NEBL: variants seen among roughly 807,000 people sequenced by gnomAD.
The protein encoded by NEBL is LIM and SH3 protein 2.
A neutral mutation model predicts 140.2 loss-of-function variants in NEBL; 122 were observed. The ratio of observed to expected loss-of-function variants is 0.87; its 90% CI spans 0.75 to 1.01. The LOEUF is 1.01. Ranked by LOEUF, NEBL falls within the 50% of genes least tolerant of loss-of-function variation. NEBL has a pLI of 0.00. For missense variants in NEBL, 1,365 were observed against 1,231.3 expected (o/e 1.11, Z -1.62); for synonymous variants, 436 against 398.9 (o/e 1.09, Z -1.11).
chr10:21,147,247 C>G (rs907109307), intron 2 of NEBL, among the ~76,000 whole-genome samples: 1 of 152,146 alleles, frequency 6.6e-6, no homozygotes, highest in African/African-American at 2.4e-5. Flanking sequence ...TGCCTCTCAA[C>G]AAGGTCTCAT....
intron 26 of NEBL, among the ~76,000 whole-genome samples, chr10:20,796,742 A>C (rs991962617): frequency 6.6e-6 from 1 of 152,110 alleles, no homozygotes; most frequent in Non-Finnish European, 1.5e-5. Context: ...TTCTCATTTT[A>C]TCTCTCTTAG....
At chr10:20,938,452 C>T (rs527560161) in intron 4 of NEBL, among the ~76,000 whole-genome samples, 1 of 152,314 alleles carries the variant, frequency 6.6e-6, no homozygotes, top group Admixed American at 6.5e-5. Context: ...TCACCATCAT[C>T]AAAGACCAAA....
intron 3 of NEBL, among the ~76,000 whole-genome samples, chr10:21,205,819 A>T (rs1386985795): frequency 6.6e-6 from 1 of 152,176 alleles, no homozygotes; most frequent in Admixed American, 6.5e-5. Context: ...ATTCACAGGG[A>T]TAGGTAGGAA....
In NEBL at chr10:20,866,105, AAGT is replaced by A. The variant is rs374278505; in HGVS notation, c.684+2556_684+2558del. 1.4e-4 allele frequency among the ~76,000 whole-genome samples: 22 copies of A among 152,232 alleles called. No homozygotes were observed. The East Asian group carries it at 2.1e-3, about 15-fold the overall frequency. ...GAGAGACTACAGTTAACATGGCAAA[AAGT>A]AGTTCTGATGTTTACTTTTTGGAAT... On this transcript the variant is annotated intron_variant, in intron 7 of 27. Coordinates refer to ENST00000377122, the MANE Select transcript of NEBL (RefSeq NM_006393.3).
chr10:20,864,394 AACT>A (rs1459065923), intron 7 of NEBL, among the ~76,000 whole-genome samples: 4 of 152,196 alleles, frequency 2.6e-5, no homozygotes, highest in African/African-American at 4.8e-5. Context: ...GAAAGTTTAC[AACT>A]ACGGGAGCAA....
chr10:21,130,894 A>G (rs1463900971), intron 2 of NEBL, among the ~76,000 whole-genome samples: 2 of 152,068 alleles, frequency 1.3e-5, no homozygotes, highest in Non-Finnish European at 2.9e-5. Context: ...AAATTAGAGC[A>G]GAAAACAATA....
At chr10:21,127,052 A>G (rs983217089) in intron 2 of NEBL, among the ~76,000 whole-genome samples, 4 of 151,528 alleles carry the variant, frequency 2.6e-5, no homozygotes, top group African/African-American at 9.7e-5. Context: ...ACTGCAACTG[A>G]TTCAATACAC....
At chr10:20,806,463 C>T (rs938721215) in intron 26 of NEBL, among the ~76,000 whole-genome samples, 1 of 152,196 alleles carries the variant, frequency 6.6e-6, no homozygotes, top group Admixed American at 6.5e-5. Flanking sequence ...CCCAAAGCCC[C>T]ACAGCCTCGT....
chr10:20,888,214 G>T lies in NEBL; in HGVS notation c.259-7C>A. On this transcript the variant is annotated splice_polypyrimidine_tract_variant and splice_region_variant and intron_variant, in intron 3 of 27. Coordinates refer to ENST00000377122, the MANE Select transcript of NEBL (RefSeq NM_006393.3). ...TGGTGCCTTTGTATTTTGCCTGGGG[G>T]AAAAAAAAACAGGAAAAAAATAAAT... is the stretch of plus-strand genomic sequence containing the variant. The T allele has an allele frequency of 1.4e-6, 2 of 1,404,538 alleles. No individual in the cohort carries two copies. Among genetic ancestry groups the T allele is most frequent in the Non-Finnish European group, 2.0e-6 (2 of 1,022,432 alleles). The allele number at this position is 1,404,538 out of a possible 1,614,324, so 87.0% of individuals were successfully genotyped here.
chr10:21,269,980 C>T (rs1842843075), intron 1 of NEBL, among the ~76,000 whole-genome samples: 4 of 152,182 alleles, frequency 2.6e-5, no homozygotes, highest in Admixed American at 6.5e-5. Flanking sequence ...TTTTCAAATT[C>T]TCTATTGCTT....
At chr10:20,818,098 A>C (rs537004821) in intron 20 of NEBL, among the ~76,000 whole-genome samples, 1 of 152,278 alleles carries the variant, frequency 6.6e-6, no homozygotes, top group African/African-American at 2.4e-5. Context: ...CTTCAATAGA[A>C]GCTAAAGCTC....
intron 2 of NEBL, among the ~76,000 whole-genome samples, chr10:21,092,586 TTAATAATAATAATAATAATAA>T (rs4025883): frequency 2.1e-5 from 3 of 142,110 alleles, no homozygotes; most frequent in Admixed American, 1.4e-4. Context: ...CCTCTATAAT[TTAATAATAATAATAATAATAA>T]TAATAATAAT....
Position 21,063,258 on chromosome 10 carries a change from C to T in NEBL, c.165-43057G>A, listed in dbSNP as rs375079046. 1.4e-4 allele frequency among the ~76,000 whole-genome samples: 22 copies of T among 152,284 alleles called. No homozygotes were observed. In the South Asian group the frequency reaches 3.1e-3, roughly 22 times the overall value. ...TGCTTCTGACCTCCCTAGAGGCCCA[C>T]GTGCTCACTTGTCATATTCATGGCA... On this transcript the variant is annotated intron_variant, in intron 2 of 6. Coordinates refer to the NEBL transcript ENST00000417816.
At chr10:21,093,310 C>T (rs74121019) in intron 2 of NEBL, among the ~76,000 whole-genome samples, 2,904 of 151,950 alleles carry the variant, frequency 0.019, 102 homozygotes, top group African/African-American at 0.066. Flanking sequence ...GCATTGGACG[C>T]ATTTTATCAT....
At chr10:21,011,743 C>T (rs1316269772) in intron 3 of NEBL, among the ~76,000 whole-genome samples, 2 of 152,156 alleles carry the variant, frequency 1.3e-5, no homozygotes, top group Non-Finnish European at 2.9e-5. Context: ...AACAGCCTAG[C>T]GGTACCCCCT....
In NEBL at chr10:20,781,131, T is replaced by C. The variant is rs1835012933; in HGVS notation, c.*4616A>G. 1 of 152,558 alleles carries C rather than the reference T, an allele frequency of 6.6e-6. No homozygotes were observed. Among genetic ancestry groups the C allele is most frequent in the African/African-American group, 2.4e-5 (1 of 41,432 alleles). The allele number at this position is 152,558 out of a possible 1,614,324, so 9.5% of individuals were successfully genotyped here. A position where few individuals can be genotyped will look rare whatever the true frequency, so the allele number is the denominator to read the frequency against. On this transcript the variant is annotated 3_prime_UTR_variant, in exon 28 of 28. Coordinates refer to ENST00000377122, the MANE Select transcript of NEBL (RefSeq NM_006393.3). Reference sequence around the variant, plus strand: ...CACCAAGGCTTAAAGATTCACAGTGTAGAGGAAAAAAATATGAATTAAAGC... The same window carrying C: ...CACCAAGGCTTAAAGATTCACAGTGCAGAGGAAAAAAATATGAATTAAAGC...
chr10:21,102,562 A>T (rs1041042764), intron 2 of NEBL, among the ~76,000 whole-genome samples: 2 of 151,918 alleles, frequency 1.3e-5, no homozygotes, highest in African/African-American at 2.4e-5. Flanking sequence ...CCTTTCACTC[A>T]CTTTGAGTTT....
At chr10:21,062,528 A>G (rs1835351219) in intron 2 of NEBL, among the ~76,000 whole-genome samples, 1 of 151,874 alleles carries the variant, frequency 6.6e-6, no homozygotes, top group African/African-American at 2.4e-5. Flanking sequence ...AAATAAAAAT[A>G]AAAATAAAAT....
chr10:21,009,805 G>T (rs576573335), intron 3 of NEBL, among the ~76,000 whole-genome samples: 4 of 152,294 alleles, frequency 2.6e-5, no homozygotes, highest in Non-Finnish European at 5.9e-5. Flanking sequence ...GCTAATGGGT[G>T]CTCTAAACAA....
Sources: allele counts gnomAD v4.1 joint callset (sites outside exome capture counted in the v4.1 genomes callset), GRCh38; gene constraint gnomAD v4.1.1; transcripts MANE v1.5; gene names NCBI Gene and HGNC (gene_info 2026-07-23, HGNC 2026-07-21).